The following USP34 variants were observed in gnomAD, a reference collection of about 807,000 sequenced individuals.
The protein encoded by USP34 is ubiquitin carboxyl-terminal hydrolase 34.
In USP34, 70 loss-of-function variants were observed where a neutral mutation model predicts 460.3. The observed-to-expected ratio is 0.15, with a 90% CI of 0.13 to 0.19. The LOEUF (loss-of-function observed/expected upper bound fraction) is 0.19, where lower values mean the gene tolerates loss of function less well. USP34 is among the 10% of genes least tolerant of loss of function. USP34 has a pLI of 1.00. For synonymous variants in USP34, 1,647 were observed against 1,405.3 expected, an observed-to-expected ratio of 1.17 and a Z score of -3.85; for missense variants, 3,985 against 4,236.2, an observed-to-expected ratio of 0.94 and a Z score of 1.65.
At chr2:61,315,391 A>G (rs1486524764) in intron 23 of USP34, among the ~76,000 whole-genome samples, 1 of 148,800 alleles carries the variant, frequency 6.7e-6, no homozygotes, top group Non-Finnish European at 1.5e-5. Context: ...TTTTTTTTTG[A>G]GAACAGAGTC....
intron 1 of USP34, among the ~76,000 whole-genome samples, chr2:61,458,114 T>C (rs1695490364): frequency 6.6e-6 from 1 of 152,108 alleles, no homozygotes; most frequent in African/African-American, 2.4e-5. Flanking sequence ...GATAGTCTCA[T>C]AGAATAAAAA....
At chr2:61,351,766 A>C (rs1480281030) in intron 10 of USP34, among the ~76,000 whole-genome samples, 1 of 152,128 alleles carries the variant, frequency 6.6e-6, no homozygotes, top group Non-Finnish European at 1.5e-5. Context: ...GAATTCTTCT[A>C]TCTTGGTGAG....
At chr2:61,245,935 G>C (rs1273393894) in intron 50 of USP34, among the ~76,000 whole-genome samples, 1 of 152,162 alleles carries the variant, frequency 6.6e-6, no homozygotes, top group East Asian at 1.9e-4. Context: ...AAAAAGAAGT[G>C]TGTGTGGTCC....
At chr2:61,440,869 T>C (rs1694945203) in intron 1 of USP34, among the ~76,000 whole-genome samples, 1 of 151,674 alleles carries the variant, frequency 6.6e-6, no homozygotes, top group East Asian at 2.0e-4. Flanking sequence ...GGCTCACGCC[T>C]GTAATCTCAG....
intron 1 of USP34, among the ~76,000 whole-genome samples, chr2:61,436,585 C>T (rs1694819870): frequency 6.6e-6 from 1 of 152,176 alleles, no homozygotes; most frequent in East Asian, 1.9e-4. Flanking sequence ...GAGAGACAGA[C>T]CTCAACATAA....
chr2:61,463,811 G>A (rs1230046634), intron 1 of USP34, among the ~76,000 whole-genome samples: 2 of 150,752 alleles, frequency 1.3e-5, no homozygotes, highest in South Asian at 2.1e-4. Flanking sequence ...ACCAGCCTGG[G>A]CAACAGGAAC....
intron 29 of USP34, among the ~76,000 whole-genome samples, chr2:61,298,093 A>C (rs1244984740): frequency 6.6e-6 from 1 of 152,138 alleles, no homozygotes; most frequent in African/African-American, 2.4e-5. Flanking sequence ...TATGTTCTGC[A>C]ATGACTGAAA....
chr2:61,256,298 C>T, intron 48 of USP34, 86 bp downstream of exon 48: 1 of 1,231,600 alleles, frequency 8.1e-7, no homozygotes, highest in Non-Finnish European at 1.2e-6. Context: ...CATATAATTT[C>T]CACCAAAGTT....
At chr2:61,264,340 G>C (rs1445796074) in intron 43 of USP34, among the ~76,000 whole-genome samples, 1 of 152,112 alleles carries the variant, frequency 6.6e-6, no homozygotes, top group African/African-American at 2.4e-5. Context: ...CAAGACAAAA[G>C]ATAACATGAT....
At chr2:61,370,862 T>C (rs1692601592) in intron 8 of USP34, among the ~76,000 whole-genome samples, 1 of 152,238 alleles carries the variant, frequency 6.6e-6, no homozygotes, top group Non-Finnish European at 1.5e-5. Context: ...TGTATTATCC[T>C]ACTCGAGGTC....
At chr2:61,422,842 T>C (rs1273245301) in intron 1 of USP34, among the ~76,000 whole-genome samples, 1 of 151,786 alleles carries the variant, frequency 6.6e-6, no homozygotes, top group Non-Finnish European at 1.5e-5. Context: ...CTACGAAAAA[T>C]ATAAACAATT....
At chr2:61,245,012 G>A (rs1688382659) in intron 51 of USP34, among the ~76,000 whole-genome samples, 198 bp downstream of exon 51, 1 of 151,974 alleles carries the variant, frequency 6.6e-6, no homozygotes, top group Non-Finnish European at 1.5e-5. Flanking sequence ...TCTTAATCGG[G>A]CTGTTGTGGA....
chr2:61,209,934 A>G (rs1306327123), intron 69 of USP34, among the ~76,000 whole-genome samples: 1 of 152,186 alleles, frequency 6.6e-6, no homozygotes, highest in Non-Finnish European at 1.5e-5. Flanking sequence ...TTTAACGAAA[A>G]CATTTAAAAA....
At position 61,369,983 on chromosome 2, in the gene USP34, T is replaced by TAA. The variant is rs35212285; in HGVS notation, c.1251+336_1251+337dup. ...TGAATCATGTGGATATATGCCTATT[T>TAA]AAAAAAAAAAAAAAAAAAACAGTAC... is the stretch of plus-strand genomic sequence containing the variant. On this transcript the variant is annotated intron_variant, in intron 10 of 79. Transcript: ENST00000398571. 4.2e-3 allele frequency among the ~76,000 whole-genome samples: 539 copies of TAA among 127,714 alleles called. 5 individuals are homozygous for TAA. The highest frequency in any genetic ancestry group is 0.032 in the South Asian group (128 of 3,998). 83.8% of individuals were successfully genotyped at this position (127,714 alleles called of 152,430 possible).
intron 27 of USP34, among the ~76,000 whole-genome samples, chr2:61,309,907 G>C (rs1226804609): frequency 1.3e-5 from 2 of 152,048 alleles, no homozygotes; most frequent in Admixed American, 6.6e-5. Context: ...TTTATAACTT[G>C]TCATCTTCTG....
chr2:61,450,329 T>C (rs572962569), intron 1 of USP34, among the ~76,000 whole-genome samples: 18 of 152,256 alleles, frequency 1.2e-4, no homozygotes, highest in Middle Eastern at 3.4e-3. Context: ...GGGAATCCTA[T>C]TGAGGTGATA....
At chr2:61,429,214 G>A (rs1482062246) in intron 1 of USP34, among the ~76,000 whole-genome samples, 4 of 152,034 alleles carry the variant, frequency 2.6e-5, no homozygotes, top group Non-Finnish European at 2.9e-5. Context: ...TTGGGAGGCC[G>A]AGGCAGGCGG....
At chr2:61,470,312 C>T (rs1036352550) in intron 1 of USP34, among the ~76,000 whole-genome samples, 1 of 152,202 alleles carries the variant, frequency 6.6e-6, no homozygotes, top group African/African-American at 2.4e-5. Flanking sequence ...CCCGCACCTT[C>T]CCGGCAGGGC....
chr2:61,337,530 T>G (rs1009378279), intron 18 of USP34, among the ~76,000 whole-genome samples: 7 of 152,168 alleles, frequency 4.6e-5, no homozygotes, highest in African/African-American at 1.7e-4. Context: ...CACGACTCAC[T>G]GCAGCCTGAA....
Sources: allele counts gnomAD v4.1 joint callset (sites outside exome capture counted in the v4.1 genomes callset), GRCh38; gene constraint gnomAD v4.1.1; transcripts MANE v1.5; gene names NCBI Gene and HGNC (gene_info 2026-07-23, HGNC 2026-07-21).